The following LAMB4 variants were observed in gnomAD, a reference collection of about 807,000 sequenced individuals.
The protein encoded by LAMB4 is laminin subunit beta-4.
In LAMB4, 196 loss-of-function variants were observed where a neutral mutation model predicts 199.2. The observed-to-expected ratio is 0.98, with a 90% CI of 0.88 to 1.11. LAMB4 has a LOEUF of 1.11. LAMB4 is among the 50% of genes least tolerant of loss of function. LAMB4 has a pLI of 0.00. For synonymous variants in LAMB4, 744 were observed against 770.6 expected, an observed-to-expected ratio of 0.97 and a Z score of 0.57; for missense variants, 2,080 against 2,171.2, an observed-to-expected ratio of 0.96 and a Z score of 0.83.
chr7:108,070,321 C>A (rs891282510), intron 17 of LAMB4, among the ~76,000 whole-genome samples: 3 of 152,184 alleles, frequency 2.0e-5, no homozygotes, highest in African/African-American at 4.8e-5. Flanking sequence ...TTTCCATAGC[C>A]CTTTACTTCA....
intron 28 of LAMB4, among the ~76,000 whole-genome samples, chr7:108,047,602 T>C (rs1004037511): frequency 2.6e-5 from 4 of 152,156 alleles, no homozygotes; most frequent in Non-Finnish European, 4.4e-5. Flanking sequence ...CAGTTAAATT[T>C]TGGGGGAGTC....
chr7:108,120,527 G>A (rs550843866), intron 2 of LAMB4, among the ~76,000 whole-genome samples: 24 of 152,206 alleles, frequency 1.6e-4, no homozygotes, highest in Non-Finnish European at 2.6e-4. Context: ...ATAGCTATGT[G>A]AAGAAAGCTA....
intron 14 of LAMB4, among the ~76,000 whole-genome samples, chr7:108,091,096 AC>A (rs763241620): frequency 1.4e-4 from 16 of 118,242 alleles, no homozygotes; most frequent in African/African-American, 4.9e-4. Context: ...ACCTCGAATT[AC>A]CTTTTTTTTT....
rs901401975 is a variant in LAMB4, at chr7:108,068,144, G to C, written c.2318C>G (p.Pro773Arg). Residue 773 changes from proline to arginine, a missense_variant, in exon 19 of 34, where the codon CCC becomes CGC. Coordinates refer to ENST00000388781, the MANE Select transcript of LAMB4 (RefSeq NM_007356.3). ...GCAGCTGGATCCGACTGAGCCCTGGGGGTGACACTTGCAGGCTGCAAGGAA... is the reference window on the plus strand; with the variant it reads ...GCAGCTGGATCCGACTGAGCCCTGGCGGTGACACTTGCAGGCTGCAAGGAA... ...HDGAVACKCH[P>R]QGSVGSSCSR... 2 of 1,614,128 alleles carry C rather than the reference G, an allele frequency of 1.2e-6. No homozygotes were observed. The highest frequency in any genetic ancestry group is 8.5e-7 in the Non-Finnish European group (1 of 1,180,008).
At chr7:108,110,816 CA>C (rs1347616139) in intron 4 of LAMB4, among the ~76,000 whole-genome samples, 2 of 152,102 alleles carry the variant, frequency 1.3e-5, no homozygotes, top group African/African-American at 4.8e-5. Context: ...AGCTGGAGAT[CA>C]ATAACAAGGA....
intron 1 of LAMB4, among the ~76,000 whole-genome samples, chr7:108,125,251 C>T (rs562696948): frequency 6.6e-6 from 1 of 152,278 alleles, no homozygotes; most frequent in South Asian, 2.1e-4. Flanking sequence ...GTGGTACTTT[C>T]TTACTGCTTT....
chr7:108,058,940 T>A (rs1437385492), intron 23 of LAMB4, among the ~76,000 whole-genome samples: 1 of 151,850 alleles, frequency 6.6e-6, no homozygotes, highest in Non-Finnish European at 1.5e-5. Context: ...TACCCACACC[T>A]GGCCTGGATC....
Position 108,103,159 on chromosome 7 carries a change from G to A in LAMB4, c.1065C>T (p.Ser355=), listed in dbSNP as rs144920955. Residue 355 remains serine, a synonymous_variant, in exon 10 of 34, where the codon AGC becomes AGT. Transcript: ENST00000388781. The part of the protein sequence containing the change: ...MTTYLASGGL[S]GGVCEDCQHN... ...GCTGGCAGTCTTCACACACGCCCCC[G>A]CTGAGGCCACCGCTTGCCAGGTACG... The A allele has an allele frequency of 7.0e-5, 112 of 1,609,216 alleles. No individual in the cohort carries two copies. Among genetic ancestry groups the A allele is most frequent in the East Asian group, 1.6e-4 (7 of 44,758 alleles).
At chr7:108,015,944 T>G in the LAMB4 span, among the ~76,000 whole-genome samples, 6 of 152,316 alleles carry the variant, frequency 3.9e-5, no homozygotes, top group South Asian at 1.2e-3. Context: ...TTGTTTTCTT[T>G]CAAGCAGAAT....
chr7:108,035,946 C>G (rs2035213955), intron 30 of LAMB4, among the ~76,000 whole-genome samples: 1 of 151,552 alleles, frequency 6.6e-6, no homozygotes. Context: ...CTCTGCCTCC[C>G]AGGTTCAAGT....
chr7:108,084,784 CTTTTT>C (rs745640979), intron 14 of LAMB4, among the ~76,000 whole-genome samples: 9 of 96,520 alleles, frequency 9.3e-5, no homozygotes, highest in Non-Finnish European at 1.4e-4. Context: ...CCAAGGAATC[CTTTTT>C]TTTTTTTTTT....
At position 108,059,415 on chromosome 7, in the gene LAMB4, C is replaced by T. The variant is rs528552145; in HGVS notation, c.3283-1487G>A. Among the ~76,000 whole-genome samples, 8 of 152,244 alleles carry T rather than the reference C, an allele frequency of 5.3e-5. No homozygotes were observed. The East Asian group carries it at 1.5e-3, about 29-fold the overall frequency. Reference sequence around the variant, plus strand: ...AGTCCTTCTCCCAACTAGAGATGGCCATCCCAACCTGCCTTGGCTTCTTTT... The same window carrying T: ...AGTCCTTCTCCCAACTAGAGATGGCTATCCCAACCTGCCTTGGCTTCTTTT... On this transcript the variant is annotated intron_variant, in intron 23 of 33. Coordinates refer to ENST00000388781, the MANE Select transcript of LAMB4 (RefSeq NM_007356.3).
chr7:108,015,876 C>A, the LAMB4 span, among the ~76,000 whole-genome samples: 6 of 150,748 alleles, frequency 4.0e-5, no homozygotes, highest in African/African-American at 1.5e-4. Context: ...CCAGATTATA[C>A]AGTTTTGTTC....
At chr7:108,044,968 A>G (rs1446888006) in intron 28 of LAMB4, among the ~76,000 whole-genome samples, 4 of 147,788 alleles carry the variant, frequency 2.7e-5, no homozygotes, top group Non-Finnish European at 5.9e-5. Flanking sequence ...AAAAAAAAAA[A>G]AAAAAAGAAA....
chr7:108,098,966 TA>T lies in LAMB4; in HGVS notation c.1181-385del, dbSNP rs1294622143. 3.3e-5 allele frequency among the ~76,000 whole-genome samples: 5 copies of T among 152,234 alleles called. No homozygotes were observed. The South Asian group carries it at 6.2e-4, about 19-fold the overall frequency. ...TTGTGCTGGTGAACTGTTGTTCATTTAAAAATGGTTAATATTTTATGTTATG... is the reference window on the plus strand; with the variant it reads ...TTGTGCTGGTGAACTGTTGTTCATTTAAAATGGTTAATATTTTATGTTATG... On this transcript the variant is annotated intron_variant, in intron 10 of 33. Coordinates refer to ENST00000388781, the MANE Select transcript of LAMB4 (RefSeq NM_007356.3).
chr7:108,077,542 AAGTT>A (rs1412971972), intron 16 of LAMB4, among the ~76,000 whole-genome samples: 1 of 152,080 alleles, frequency 6.6e-6, no homozygotes, highest in Non-Finnish European at 1.5e-5. Flanking sequence ...AAGATACAAA[AAGTT>A]AGCCAGGCGT....
chr7:108,073,980 G>A (rs916228688), intron 17 of LAMB4, among the ~76,000 whole-genome samples: 1 of 152,160 alleles, frequency 6.6e-6, no homozygotes, highest in African/African-American at 2.4e-5. Flanking sequence ...TGGTGAACCT[G>A]TAGCTGAGCA....
chr7:108,055,747 C>T lies in LAMB4; in HGVS notation c.3640G>A (p.Glu1214Lys), dbSNP rs1214935349. The change falls in exon 25 of 34, where the codon GAG (glutamate) becomes AAG (lysine). Residue 1214 changes from glutamate (E) to lysine (K), a missense_variant. Glu to Lys is a moderately conservative substitution (Grantham distance 56). Transcript: ENST00000388781. Reference sequence around the variant, plus strand: ...CCTCTGAGGTCTTTGAAGTCTGCCTCACAGACAGGCAGGGTCTCTCTTTTA... The same window carrying T: ...CCTCTGAGGTCTTTGAAGTCTGCCTTACAGACAGGCAGGGTCTCTCTTTTA... ...EDKRETLPVC[E>K]ADFKDLRGNV... 1.9e-6 allele frequency: 3 copies of T among 1,614,168 alleles called. No individual in the cohort carries two copies. In the Admixed American group the frequency reaches 5.0e-5, roughly 27 times the overall value.
At chr7:108,121,518 G>A (rs1341698141) in intron 2 of LAMB4, among the ~76,000 whole-genome samples, 1 of 152,166 alleles carries the variant, frequency 6.6e-6, no homozygotes, top group East Asian at 1.9e-4. Flanking sequence ...GGGAGGCCGA[G>A]GTGGGTGTTT....
Sources: allele counts gnomAD v4.1 joint callset (sites outside exome capture counted in the v4.1 genomes callset), GRCh38; gene constraint gnomAD v4.1.1; transcripts MANE v1.5; gene names NCBI Gene and HGNC (gene_info 2026-07-23, HGNC 2026-07-21).